GALNT18: variants seen among roughly 807,000 people sequenced by gnomAD.
GALNT18 encodes the protein polypeptide N-acetylgalactosaminyltransferase 18, also known as GalNAc-transferase 18.
GALNT18 carries 44 observed loss-of-function variants against 69.5 expected under a neutral mutation model. The ratio of observed to expected loss-of-function variants is 0.63; its 90% CI spans 0.50 to 0.81. GALNT18 has a LOEUF of 0.81. Ranked by LOEUF, GALNT18 falls within the 40% of genes least tolerant of loss-of-function variation. The pLI, the probability that GALNT18 is intolerant of heterozygous loss-of-function variation, is 0.00. For missense variants in GALNT18, 715 were observed against 810.0 expected (o/e 0.88, Z 1.42); for synonymous variants, 364 against 318.2 (o/e 1.14, Z -1.53).
intron 1 of GALNT18, among the ~76,000 whole-genome samples, chr11:11,611,480 GCAC>G (rs770089028): frequency 2.0e-5 from 3 of 152,184 alleles, no homozygotes; most frequent in Non-Finnish European, 4.4e-5. Context: ...ACCGGATGCG[GCAC>G]CATCAGAAAG....
chr11:11,460,843 G>A (rs1856025727), intron 1 of GALNT18, among the ~76,000 whole-genome samples: 1 of 152,136 alleles, frequency 6.6e-6, no homozygotes, highest in South Asian at 2.1e-4. Context: ...TTGGGGAGGG[G>A]GGATTCAGAA....
chr11:11,299,240 G>A (rs1284589973), intron 9 of GALNT18, among the ~76,000 whole-genome samples: 1 of 152,144 alleles, frequency 6.6e-6, no homozygotes, highest in African/African-American at 2.4e-5. Context: ...CGCCTCCCAG[G>A]TTCAAGCAAG....
chr11:11,391,009 C>T (rs778125161), intron 3 of GALNT18, among the ~76,000 whole-genome samples: 2 of 152,234 alleles, frequency 1.3e-5, no homozygotes, highest in Non-Finnish European at 2.9e-5. Context: ...ATTACCTGCT[C>T]ATCAGTCTGA....
Position 11,388,718 on chromosome 11 carries a change from C to A in GALNT18, c.596-9454G>T, listed in dbSNP as rs1018277441. 4.6e-5 allele frequency among the ~76,000 whole-genome samples: 7 copies of A among 152,128 alleles called. No homozygotes were observed. In the South Asian group the frequency reaches 6.2e-4, roughly 14 times the overall value. On this transcript the variant is annotated intron_variant, in intron 3 of 10. Transcript: ENST00000227756. Reference sequence around the variant, plus strand: ...CAGGGCTGGTCTAACGCTCTGTGACCCTTCCCCTACACCACATAATGTGCA... The same window carrying A: ...CAGGGCTGGTCTAACGCTCTGTGACACTTCCCCTACACCACATAATGTGCA...
At chr11:11,510,984 G>A (rs986106001) in intron 1 of GALNT18, among the ~76,000 whole-genome samples, 2 of 151,800 alleles carry the variant, frequency 1.3e-5, no homozygotes, top group Non-Finnish European at 2.9e-5. Context: ...GATGGTGCCC[G>A]GACAGACACA....
rs191801376 is a variant in GALNT18, at chr11:11,429,321, G to A, written c.595+3300C>T. Among the ~76,000 whole-genome samples the A allele has an allele frequency of 4.6e-5, 7 of 152,198 alleles. No individual in the cohort carries two copies. The East Asian group carries it at 1.2e-3, about 25-fold the overall frequency. Reference sequence around the variant, plus strand: ...CTCACCTGCTAACGCTCTTCCTCCCGATGCCTACATATCTTACCCTCAGTA... The same window carrying A: ...CTCACCTGCTAACGCTCTTCCTCCCAATGCCTACATATCTTACCCTCAGTA... On this transcript the variant is annotated intron_variant, in intron 3 of 10. Transcript: ENST00000227756.
chr11:11,413,546 C>G lies in GALNT18; in HGVS notation c.595+19075G>C, dbSNP rs113791659. Among the ~76,000 whole-genome samples the G allele has an allele frequency of 6.6e-6, 1 of 152,128 alleles. No individual in the cohort carries two copies. The highest frequency in any genetic ancestry group is 2.4e-5 in the African/African-American group (1 of 41,420). ...TTATATAATTTGGTGCTTAATGCACCGTACCACTAGCCCAGAACAATTGAA... is the reference window on the plus strand; with the variant it reads ...TTATATAATTTGGTGCTTAATGCACGGTACCACTAGCCCAGAACAATTGAA... On this transcript the variant is annotated intron_variant, in intron 3 of 10. Coordinates refer to ENST00000227756, the MANE Select transcript of GALNT18 (RefSeq NM_198516.3). The surrounding 1 kb of genome is among the most constrained non-coding windows in gnomAD (Gnocchi z 4.7).
chr11:11,405,650 C>T (rs966787794), intron 3 of GALNT18, among the ~76,000 whole-genome samples: 4 of 152,180 alleles, frequency 2.6e-5, no homozygotes, highest in African/African-American at 9.7e-5. Context: ...AGAGACGCGC[C>T]GAATGCAGAC....
chr11:11,325,514 T>C (rs1379334332), intron 9 of GALNT18, among the ~76,000 whole-genome samples: 1 of 151,902 alleles, frequency 6.6e-6, no homozygotes, highest in Non-Finnish European at 1.5e-5. Flanking sequence ...TCAAAAACCA[T>C]TGAAATAAAA....
intron 1 of GALNT18, among the ~76,000 whole-genome samples, chr11:11,607,492 G>T (rs1859784807): frequency 6.6e-6 from 1 of 152,156 alleles, no homozygotes; most frequent in Non-Finnish European, 1.5e-5. Flanking sequence ...AAAAAAGTAT[G>T]GAATGTACCT....
At chr11:11,317,471 G>A (rs1369273183) in intron 9 of GALNT18, among the ~76,000 whole-genome samples, 2 of 152,140 alleles carry the variant, frequency 1.3e-5, no homozygotes, top group Non-Finnish European at 2.9e-5. Flanking sequence ...GTTTTGATTT[G>A]CATTTCTCTG....
chr11:11,579,184 G>T (rs1038943090), intron 1 of GALNT18, among the ~76,000 whole-genome samples: 2 of 152,206 alleles, frequency 1.3e-5, no homozygotes. Flanking sequence ...CTGAGTGGCG[G>T]TGATGGCAAA....
chr11:11,524,657 C>T (rs767928387), intron 1 of GALNT18, among the ~76,000 whole-genome samples: 2 of 152,230 alleles, frequency 1.3e-5, no homozygotes, highest in Non-Finnish European at 2.9e-5. Context: ...CCACAACTGA[C>T]TCACACAGTC....
intron 1 of GALNT18, among the ~76,000 whole-genome samples, chr11:11,512,876 C>T (rs1371385139): frequency 6.6e-6 from 1 of 152,242 alleles, no homozygotes; most frequent in African/African-American, 2.4e-5. Flanking sequence ...ATGACACTAA[C>T]TCCTCTCATC....
chr11:11,288,265 A>G (rs1186155581), intron 10 of GALNT18, among the ~76,000 whole-genome samples: 1 of 152,170 alleles, frequency 6.6e-6, no homozygotes, highest in Non-Finnish European at 1.5e-5. Flanking sequence ...AAAACTCTAA[A>G]TTCTGCACAC....
At chr11:11,476,416 T>C (rs969174780) in intron 1 of GALNT18, 1 of 152,312 alleles carries the variant, frequency 6.6e-6, no homozygotes, top group Admixed American at 6.5e-5. Flanking sequence ...ACAGAGCTAG[T>C]TGGACACATT....
chr11:11,345,502 T>C (rs1233529094), intron 6 of GALNT18, among the ~76,000 whole-genome samples: 4 of 152,002 alleles, frequency 2.6e-5, no homozygotes, highest in Non-Finnish European at 5.9e-5. Context: ...GTGAATGACA[T>C]CATGGAGCTT....
intron 1 of GALNT18, among the ~76,000 whole-genome samples, chr11:11,466,935 C>G (rs550388182): frequency 6.6e-6 from 1 of 152,300 alleles, no homozygotes; most frequent in Admixed American, 6.5e-5. Context: ...GGCTTATGTG[C>G]AATTTCTAGA....
At chr11:11,344,159 C>A (rs1037515481) in intron 6 of GALNT18, among the ~76,000 whole-genome samples, 2 of 152,232 alleles carry the variant, frequency 1.3e-5, no homozygotes, top group African/African-American at 4.8e-5. Context: ...GCTTGCCCCC[C>A]ACCACCCCTC....
Sources: gnomAD v4.1 joint callset for allele counts (sites outside exome capture counted in the v4.1 genomes callset) on GRCh38, gnomAD v4.1.1 for gene constraint, Gnocchi (gnomAD v3.1) non-coding constraint, MANE v1.5 for transcripts, NCBI Gene and HGNC (gene_info 2026-07-23, HGNC 2026-07-21) for gene names.